ATP6V1H: variants seen among roughly 807,000 people sequenced by gnomAD.
ATP6V1H encodes the protein ATPase H+ transporting V1 subunit H.
A neutral mutation model predicts 71.7 loss-of-function variants in ATP6V1H; 39 were observed. The observed-to-expected ratio is 0.54, with a 90% CI of 0.42 to 0.71. The LOEUF is 0.71. ATP6V1H is among the 30% of genes least tolerant of loss of function. The pLI is 0.00. For missense variants in ATP6V1H, 509 were observed against 594.9 expected (o/e 0.86, Z 1.50); for synonymous variants, 192 against 199.3 (o/e 0.96, Z 0.31).
At chr8:53,772,537 T>A (rs970661305) in intron 9 of ATP6V1H, among the ~76,000 whole-genome samples, 3 of 152,088 alleles carry the variant, frequency 2.0e-5, no homozygotes, top group Non-Finnish European at 2.9e-5. Flanking sequence ...GAGAGAGTGT[T>A]TCTTCAAGTT....
intron 12 of ATP6V1H, among the ~76,000 whole-genome samples, chr8:53,753,485 T>A (rs974169922): frequency 1.3e-5 from 2 of 152,210 alleles, no homozygotes; most frequent in South Asian, 2.1e-4. Context: ...GGCTTCTGCC[T>A]TGGCAGCAGG....
At chr8:53,797,814 C>CA (rs2130422818) in intron 8 of ATP6V1H, among the ~76,000 whole-genome samples, 1 of 152,088 alleles carries the variant, frequency 6.6e-6, no homozygotes, top group Admixed American at 6.6e-5. Flanking sequence ...GCCTGAGCAA[C>CA]ATGGCAAAAC....
At position 53,838,938 on chromosome 8, in the gene ATP6V1H, G is replaced by A. The variant is rs891477008; in HGVS notation, c.113+2640C>T. On this transcript the variant is annotated intron_variant, in intron 2 of 13. Coordinates refer to ENST00000359530, the MANE Select transcript of ATP6V1H (RefSeq NM_015941.4). ...ACAATCTGTAAGCTCTTTTATATGA[G>A]ACACATTTCACACCCACCAGCACCC... Among the ~76,000 whole-genome samples, 39 of 152,058 alleles carry A rather than the reference G, an allele frequency of 2.6e-4. 1 individual carries two copies. The highest frequency in any genetic ancestry group is 2.4e-3 in the Admixed American group (36 of 15,254).
At chr8:53,768,383 C>T (rs1808541366) in intron 11 of ATP6V1H, among the ~76,000 whole-genome samples, 1 of 152,166 alleles carries the variant, frequency 6.6e-6, no homozygotes, top group Non-Finnish European at 1.5e-5. Context: ...GGCAGTTCCT[C>T]AAATGGTTAA....
intron 9 of ATP6V1H, among the ~76,000 whole-genome samples, chr8:53,775,881 G>A (rs1808860746): frequency 1.3e-5 from 2 of 152,262 alleles, no homozygotes; most frequent in South Asian, 4.1e-4. Flanking sequence ...CTGCCTGCCA[G>A]TCCTGCGCCA....
intron 13 of ATP6V1H, among the ~76,000 whole-genome samples, chr8:53,726,858 G>A (rs566274858): frequency 6.6e-6 from 1 of 152,160 alleles, no homozygotes; most frequent in Non-Finnish European, 1.5e-5. Flanking sequence ...CATGTTTAAA[G>A]AATGGCTCTG....
intron 4 of ATP6V1H, among the ~76,000 whole-genome samples, chr8:53,827,228 C>T (rs563568226): frequency 6.6e-6 from 1 of 151,064 alleles, no homozygotes; most frequent in East Asian, 2.0e-4. Context: ...ACTAAAAACA[C>T]AAAAATTAGC....
At chr8:53,829,984 T>A (rs1278655801) in intron 3 of ATP6V1H, among the ~76,000 whole-genome samples, 1 of 152,186 alleles carries the variant, frequency 6.6e-6, no homozygotes, top group Non-Finnish European at 1.5e-5. Context: ...AACCTCTCCA[T>A]AATTCAATAA....
At position 53,809,226 on chromosome 8, in the gene ATP6V1H, G is replaced by C. The variant is rs544744978; in HGVS notation, c.579+1938C>G. On this transcript the variant is annotated intron_variant, in intron 7 of 13. Coordinates refer to ENST00000359530, the MANE Select transcript of ATP6V1H (RefSeq NM_015941.4). Reference sequence around the variant, plus strand: ...AATGATATGACCTACATTGAACAGGGAGTGTAAATATTCAAGGAGATGTAA... The same window carrying C: ...AATGATATGACCTACATTGAACAGGCAGTGTAAATATTCAAGGAGATGTAA... Among the ~76,000 whole-genome samples, 6 of 152,298 alleles carry C rather than the reference G, an allele frequency of 3.9e-5. No homozygotes were observed. The South Asian group carries it at 1.2e-3, about 32-fold the overall frequency.
At chr8:53,778,047 G>A (rs1315434596) in intron 9 of ATP6V1H, among the ~76,000 whole-genome samples, 1 of 152,128 alleles carries the variant, frequency 6.6e-6, no homozygotes, top group Non-Finnish European at 1.5e-5. Flanking sequence ...CATGACAACT[G>A]TAGCATAAAA....
In ATP6V1H at chr8:53,758,157, T is replaced by G. The variant is rs1808140011; in HGVS notation, c.1176-1501A>C. Among the ~76,000 whole-genome samples, 7 of 152,358 alleles carry G rather than the reference T, an allele frequency of 4.6e-5. No individual in the cohort carries two copies. In the South Asian group the frequency reaches 1.4e-3, roughly 32 times the overall value. On this transcript the variant is annotated intron_variant, in intron 11 of 13. Transcript: ENST00000359530. Reference sequence around the variant, plus strand: ...CTATGTGTGTTTTTAAAAGGCTAACTTGCAAATTATTCTAAAATTACATTA... The same window carrying G: ...CTATGTGTGTTTTTAAAAGGCTAACGTGCAAATTATTCTAAAATTACATTA...
At chr8:53,837,015 C>G (rs184951555) in intron 2 of ATP6V1H, among the ~76,000 whole-genome samples, 338 of 152,152 alleles carry the variant, frequency 2.2e-3, no homozygotes, top group African/African-American at 7.7e-3. Context: ...GTGGCAGGTG[C>G]CTGTAATCCC....
At chr8:53,724,260 T>A (rs1806726710) in intron 13 of ATP6V1H, among the ~76,000 whole-genome samples, 1 of 152,130 alleles carries the variant, frequency 6.6e-6, no homozygotes, top group Non-Finnish European at 1.5e-5. Flanking sequence ...GCCAGTGGGG[T>A]AGGTCATATG....
intron 13 of ATP6V1H, among the ~76,000 whole-genome samples, chr8:53,718,883 G>A (rs931838617): frequency 1.3e-5 from 2 of 152,196 alleles, no homozygotes; most frequent in Non-Finnish European, 2.9e-5. Context: ...CTGCACATCA[G>A]GGGCCCCAGG....
intron 9 of ATP6V1H, among the ~76,000 whole-genome samples, chr8:53,782,924 T>A (rs1809215060): frequency 6.6e-6 from 1 of 152,196 alleles, no homozygotes; most frequent in Non-Finnish European, 1.5e-5. Flanking sequence ...CTTTTTGATG[T>A]GCTGCTGGAT....
rs141796679 is a variant in ATP6V1H at position 53,824,476 on chromosome 8, T to C, written c.306+4968A>G. ...TGAACACTGAGGCAAAAATCCTACATAACAGAAAAGAGAATTCAATATCAT... is the reference window on the plus strand; with the variant it reads ...TGAACACTGAGGCAAAAATCCTACACAACAGAAAAGAGAATTCAATATCAT... On this transcript the variant is annotated intron_variant, in intron 4 of 13. Transcript: ENST00000359530. Among the ~76,000 whole-genome samples the C allele has an allele frequency of 2.3e-3, 344 of 152,208 alleles. 2 individuals are homozygous for C. Among genetic ancestry groups the C allele is most frequent in the African/African-American group, 7.9e-3 (327 of 41,558 alleles).
At chr8:53,762,441 A>G (rs1426887367) in intron 11 of ATP6V1H, among the ~76,000 whole-genome samples, 2 of 152,310 alleles carry the variant, frequency 1.3e-5, no homozygotes, top group East Asian at 1.9e-4. Flanking sequence ...TTCAATCCCA[A>G]TCGAAATACC....
At chr8:53,839,863 C>T in intron 2 of ATP6V1H, 2 of 985,546 alleles carry the variant, frequency 2.0e-6, no homozygotes, top group Non-Finnish European at 2.4e-6. Context: ...AAAGCACTGA[C>T]TGATAGGATC....
chr8:53,764,433 T>G (rs1488878768), intron 11 of ATP6V1H, among the ~76,000 whole-genome samples: 1 of 151,972 alleles, frequency 6.6e-6, no homozygotes, highest in Non-Finnish European at 1.5e-5. Flanking sequence ...AAAAATCATA[T>G]CAATAGAGTC....
Sources: allele counts gnomAD v4.1 joint callset (sites outside exome capture counted in the v4.1 genomes callset), GRCh38; gene constraint gnomAD v4.1.1; transcripts MANE v1.5; gene names NCBI Gene and HGNC (gene_info 2026-07-23, HGNC 2026-07-21).